RABL6: variants seen among roughly 807,000 people sequenced by gnomAD.
The protein encoded by RABL6 is rab-like protein 6.
RABL6 carries 28 observed loss-of-function variants against 72.9 expected under a neutral mutation model. That is an observed-to-expected ratio of 0.38 (90% CI 0.28 to 0.53). The LOEUF (loss-of-function observed/expected upper bound fraction) is 0.53. Among genes scored for constraint, RABL6 ranks in the 20% least tolerant of loss-of-function variants. The probability of loss-of-function intolerance (pLI) is 0.80; values close to 1 mark genes in which losing one functional copy is unlikely to be tolerated. For synonymous variants in RABL6, 477 were observed against 421.2 expected (o/e 1.13, Z -1.62); for missense variants, 1,029 against 1,008.4 (o/e 1.02, Z -0.28).
At chr9:136,811,230 A>G (rs1848004624) in intron 1 of RABL6, among the ~76,000 whole-genome samples, 1 of 152,242 alleles carries the variant, frequency 6.6e-6, no homozygotes, top group Admixed American at 6.5e-5. Context: ...GACATGAGAC[A>G]GTAATCAAAT....
chr9:136,841,069 TTG>T lies in RABL6; in HGVS notation c.*551_*552del. ...GTGAGGCCTCTCCTGGGAGTGGGGG[TTG>T]TGTTTCCCACAGTGGCCTCAGCTGC... On this transcript the variant is annotated 3_prime_UTR_variant, in exon 15 of 15. Transcript: ENST00000311502. 2.1e-6 allele frequency: 3 copies of T among 1,410,580 alleles called. No individual in the cohort carries two copies. Among genetic ancestry groups the T allele is most frequent in the African/African-American group, 1.5e-5 (1 of 68,916 alleles). 87.4% of individuals were successfully genotyped at this position (1,410,580 alleles called of 1,614,324 possible).
chr9:136,831,428 G>A (rs530782695), intron 5 of RABL6, among the ~76,000 whole-genome samples: 3 of 152,324 alleles, frequency 2.0e-5, no homozygotes, highest in South Asian at 2.1e-4. Context: ...GTAGGGATGC[G>A]GACATGGGGT....
Position 136,837,747 on chromosome 9 carries a change from GCTT to G in RABL6, c.1126+90_1126+92del, listed in dbSNP as rs889773626. The G allele has an allele frequency of 2.0e-5, 31 of 1,543,150 alleles. No homozygotes were observed. In the African/African-American group the frequency reaches 3.4e-4, roughly 17 times the overall value. On this transcript the variant is annotated intron_variant, in intron 9 of 14. Transcript: ENST00000311502. ...GGTCCTGGATTTCGGAGCGCTCCAC[GCTT>G]CTTCCTGCTTGTCCCAGTCCCGTGG...
At chr9:136,820,064 C>T (rs1035650109) in intron 1 of RABL6, among the ~76,000 whole-genome samples, 12 of 151,874 alleles carry the variant, frequency 7.9e-5, no homozygotes, top group South Asian at 2.1e-4. Context: ...TTAGGCATGG[C>T]GGCTTGCGCC....
chr9:136,816,709 T>C (rs1423517636), intron 1 of RABL6, among the ~76,000 whole-genome samples: 2 of 131,358 alleles, frequency 1.5e-5, no homozygotes, highest in Admixed American at 1.5e-4. Context: ...AGAGTGAGAC[T>C]CTGTCTCAAA....
chr9:136,810,407 G>A (rs2131152053), intron 1 of RABL6, among the ~76,000 whole-genome samples: 1 of 152,328 alleles, frequency 6.6e-6, no homozygotes, highest in East Asian at 1.9e-4. Flanking sequence ...AAGGTGGTGA[G>A]ACAGAGAGAA....
chr9:136,820,178 G>C (rs570140520), intron 1 of RABL6, among the ~76,000 whole-genome samples: 1 of 144,198 alleles, frequency 6.9e-6, no homozygotes, highest in Non-Finnish European at 1.5e-5. Context: ...CAGCCTGTGC[G>C]GCAGAGTGAG....
intron 3 of RABL6, 43 bp downstream of exon 3, chr9:136,825,869 G>C: frequency 6.3e-7 from 1 of 1,582,170 alleles, no homozygotes; most frequent in Admixed American, 1.7e-5. Flanking sequence ...CTGGGACTGT[G>C]TGCTCTGCGC....
intron 7 of RABL6, chr9:136,834,444 T>C (rs1848546366): frequency 7.1e-6 from 7 of 985,880 alleles, no homozygotes; most frequent in Non-Finnish European, 8.4e-6. Context: ...AATCACATTT[T>C]TTTGTTGTTG....
chr9:136,808,960 T>C (rs2131148447), intron 1 of RABL6: 1 of 152,324 alleles, frequency 6.6e-6, no homozygotes, highest in South Asian at 2.1e-4. Context: ...ATTTACGGAC[T>C]CCTGAGTGCC....
chr9:136,822,145 G>C, intron 1 of RABL6: 1 of 1,221,912 alleles, frequency 8.2e-7, no homozygotes, highest in Non-Finnish European at 1.1e-6. Context: ...GAGCTTCGAG[G>C]CCGGGCGCCC....
At position 136,840,447 on chromosome 9, in the gene RABL6, T is replaced by A. The variant is rs1287177857; in HGVS notation, c.2115T>A (p.Asp705Glu). Residue 705 changes from aspartate (D) to glutamate (E), a missense_variant, in exon 15 of 15, where the codon GAT becomes GAA. Asp to Glu is a conservative substitution (Grantham distance 45). Coordinates refer to ENST00000311502, the MANE Select transcript of RABL6 (RefSeq NM_024718.5). Reference protein sequence around the residue: ...PPRSRERTAADELEAFLGGGA... With the variant: ...PPRSRERTAAEELEAFLGGGA... ...GCAGCAGGGAGAGGACGGCTGCCGA[T>A]GAGCTGGAGGCTTTCCTGGGGGGCG... is the stretch of plus-strand genomic sequence containing the variant. 1 of 1,546,770 alleles carries A rather than the reference T, an allele frequency of 6.5e-7. No individual in the cohort carries two copies. The highest frequency in any genetic ancestry group is 2.0e-5 in the Admixed American group (1 of 50,418).
At chr9:136,822,381 G>A (rs1019077030) in intron 1 of RABL6, among the ~76,000 whole-genome samples, 2 of 152,032 alleles carry the variant, frequency 1.3e-5, no homozygotes, top group South Asian at 2.1e-4. Flanking sequence ...CGTGGAGGAC[G>A]GCCAGGGCTT....
chr9:136,822,629 TGCTCCCCTCCCA>T (rs1311728076), intron 1 of RABL6, among the ~76,000 whole-genome samples: 1 of 152,184 alleles, frequency 6.6e-6, no homozygotes, highest in East Asian at 1.9e-4. Flanking sequence ...GCTAAGTCCG[TGCTCCCCTCCCA>T]GCTGCCCTCC....
intron 1 of RABL6, chr9:136,815,200 TG>T: frequency 1.8e-5 from 6 of 331,754 alleles, no homozygotes; most frequent in Non-Finnish European, 2.9e-5. Flanking sequence ...CCCCCTTGGC[TG>T]GGGTGTCCCT....
At chr9:136,816,335 G>T (rs62581427) in intron 1 of RABL6, among the ~76,000 whole-genome samples, 111,057 of 151,770 alleles carry the variant, frequency 0.73, 41,205 homozygotes, top group Non-Finnish European at 0.79. Context: ...AAACTCCTGG[G>T]CCCAAGCGAT....
chr9:136,838,881 C>G lies in RABL6; in HGVS notation c.1281-28C>G, dbSNP rs757548679. ...GGCCAGCCATCCCTACCCCGTGGCCCTTGACCGCTTTGCCCCCTGCTTTGC... is the reference window on the plus strand; with the variant it reads ...GGCCAGCCATCCCTACCCCGTGGCCGTTGACCGCTTTGCCCCCTGCTTTGC... On this transcript the variant is annotated intron_variant, in intron 10 of 14. Transcript: ENST00000311502. 3.3e-6 allele frequency: 5 copies of G among 1,522,598 alleles called. No individual in the cohort carries two copies. In the South Asian group the frequency reaches 6.3e-5, roughly 19 times the overall value. The allele number at this position is 1,522,598 out of a possible 1,614,324, so 94.3% of individuals were successfully genotyped here. A position where few individuals can be genotyped will look rare whatever the true frequency, so the allele number is the denominator to read the frequency against.
At chr9:136,823,790 TG>T in intron 2 of RABL6, 131 bp downstream of exon 2, 1 of 1,219,402 alleles carries the variant, frequency 8.2e-7, no homozygotes, top group Non-Finnish European at 1.1e-6. Flanking sequence ...CCTGCTGACG[TG>T]GGGGCCCTGG....
intron 1 of RABL6, among the ~76,000 whole-genome samples, chr9:136,819,624 TCTAGCTATAGTC>T (rs1229360879): frequency 2.0e-5 from 3 of 152,206 alleles, no homozygotes; most frequent in African/African-American, 7.2e-5. Context: ...AGAAAGCTGC[TCTAGCTATAGTC>T]CTAGTGCTAC....
Sources: gnomAD v4.1 joint callset for allele counts (sites outside exome capture counted in the v4.1 genomes callset) on GRCh38, gnomAD v4.1.1 for gene constraint, MANE v1.5 for transcripts, NCBI Gene and HGNC (gene_info 2026-07-23, HGNC 2026-07-21) for gene names.